Variants in SENP5 observed in about 807,000 individuals in gnomAD.
SENP5 encodes the protein sentrin-specific protease 5.
Under a neutral mutation model 74.2 loss-of-function variants are expected in SENP5, and 21 were observed. That is an observed-to-expected ratio of 0.28 (90% CI 0.20 to 0.41). The LOEUF is 0.41. SENP5 is among the 10% of genes least tolerant of loss of function. The probability of loss-of-function intolerance (pLI) is 1.00; values close to 1 mark genes in which losing one functional copy is unlikely to be tolerated. For synonymous variants in SENP5, 311 were observed against 312.7 expected (o/e 0.99, Z 0.06); for missense variants, 717 against 889.1 (o/e 0.81, Z 2.46).
chr3:196,907,637 T>C (rs1714957876), intron 6 of SENP5, among the ~76,000 whole-genome samples: 1 of 152,098 alleles, frequency 6.6e-6, no homozygotes, highest in African/African-American at 2.4e-5. Context: ...TATTCCTTCC[T>C]CTAGATCAGG....
At chr3:196,898,193 A>AAG (rs1714531490) in intron 2 of SENP5, among the ~76,000 whole-genome samples, 1 of 151,394 alleles carries the variant, frequency 6.6e-6, no homozygotes, top group African/African-American at 2.4e-5. Flanking sequence ...AAAAAGAAAA[A>AAG]AGAAAAGAAA....
intron 4 of SENP5, 81 bp from the exon 5 acceptor site, chr3:196,900,284 G>T: frequency 7.3e-7 from 1 of 1,362,354 alleles, no homozygotes. Context: ...TAGTAGCCTG[G>T]TTTTATTTAT....
chr3:196,914,586 A>AAAAAAAATATATATAT, intron 6 of SENP5: 20 of 33,492 alleles, frequency 6.0e-4, no homozygotes, highest in African/African-American at 1.3e-3. Context: ...AAAAAAAAAA[A>AAAAAAAATATATATAT]ATATATATAT....
rs1716043331 is a variant in SENP5, at chr3:196,931,672, G to A, written c.*749G>A. On this transcript the variant is annotated 3_prime_UTR_variant, in exon 10 of 10. Transcript: ENST00000323460. ...CATACATCTCATAAAGGCTTTTGCT[G>A]GGATATTGAATTCCCTGAATTTTTC... 3.5e-6 allele frequency: 1 copy of A among 286,584 alleles called. No individual in the cohort carries two copies. The highest frequency in any genetic ancestry group is 6.8e-6 in the Non-Finnish European group (1 of 146,326). The allele number at this position is 286,584 out of a possible 1,614,324, so 17.8% of individuals were successfully genotyped here.
At chr3:196,900,125 A>G in intron 4 of SENP5, 63 bp downstream of exon 4, 2 of 1,560,098 alleles carry the variant, frequency 1.3e-6, no homozygotes, top group Non-Finnish European at 1.7e-6. Flanking sequence ...ATAAAATATA[A>G]TCTCTAGTTT....
At chr3:196,891,698 A>G (rs927725838) in intron 2 of SENP5, among the ~76,000 whole-genome samples, 2 of 152,172 alleles carry the variant, frequency 1.3e-5, no homozygotes, top group African/African-American at 2.4e-5. Context: ...CCTCAGATGG[A>G]TGAGGTGGGA....
At chr3:196,877,003 A>T (rs1713505736) in intron 1 of SENP5, among the ~76,000 whole-genome samples, 1 of 151,872 alleles carries the variant, frequency 6.6e-6, no homozygotes, top group Non-Finnish European at 1.5e-5. Flanking sequence ...TGCCACCCAC[A>T]TTGCTTACTT....
At position 196,878,647 on chromosome 3, in the gene SENP5, G is replaced by A. The variant is rs551738062; in HGVS notation, c.-31-6504G>A. ...CTTCCTGTCACCCAGGCCAGAGTAC[G>A]GTGGCATGATCTCCGCTCACTGCAA... On this transcript the variant is annotated intron_variant, in intron 1 of 9. Transcript: ENST00000323460. Among the ~76,000 whole-genome samples, 25 of 151,976 alleles carry A rather than the reference G, an allele frequency of 1.6e-4. No individual in the cohort carries two copies. In the South Asian group the frequency reaches 3.3e-3, roughly 20 times the overall value.
At chr3:196,893,278 A>G (rs1295516358) in intron 2 of SENP5, among the ~76,000 whole-genome samples, 1 of 152,176 alleles carries the variant, frequency 6.6e-6, no homozygotes, top group Admixed American at 6.6e-5. Context: ...TTGATAAGAC[A>G]TTTTTGCCCA....
At chr3:196,911,928 A>G (rs1424923794) in intron 6 of SENP5, among the ~76,000 whole-genome samples, 1 of 152,240 alleles carries the variant, frequency 6.6e-6, no homozygotes, top group Non-Finnish European at 1.5e-5. Context: ...GTCAAGAAAC[A>G]ATAGAAGCTG....
intron 1 of SENP5, among the ~76,000 whole-genome samples, chr3:196,879,225 T>C (rs1713617320): frequency 6.6e-6 from 1 of 152,240 alleles, no homozygotes; most frequent in Non-Finnish European, 1.5e-5. Flanking sequence ...TGAGGTGGTA[T>C]GGAGTATCTG....
At position 196,902,429 on chromosome 3, in the gene SENP5, G is replaced by T. The variant is rs1009660169; in HGVS notation, c.1807-1104G>T. Among the ~76,000 whole-genome samples, 5 of 152,188 alleles carry T rather than the reference G, an allele frequency of 3.3e-5. No homozygotes were observed. In the East Asian group the frequency reaches 9.6e-4, roughly 29 times the overall value. ...TTAGAAGTGTGAGCCACTATGTCTG[G>T]CAGCTCTTTCAGTCTGTATGTTAAG... On this transcript the variant is annotated intron_variant, in intron 5 of 9. Coordinates refer to ENST00000323460, the MANE Select transcript of SENP5 (RefSeq NM_152699.5).
chr3:196,909,664 A>T (rs569056503), intron 6 of SENP5, among the ~76,000 whole-genome samples: 1 of 152,326 alleles, frequency 6.6e-6, no homozygotes, highest in East Asian at 1.9e-4. Context: ...CGAAAACCAC[A>T]TGATTATTTC....
intron 2 of SENP5, among the ~76,000 whole-genome samples, chr3:196,888,818 G>A (rs1714087180): frequency 6.6e-6 from 1 of 151,732 alleles, no homozygotes; most frequent in South Asian, 2.1e-4. Flanking sequence ...CAACCATTAA[G>A]TATAATAAAT....
At chr3:196,882,021 C>G (rs1334522247) in intron 1 of SENP5, among the ~76,000 whole-genome samples, 1 of 151,376 alleles carries the variant, frequency 6.6e-6, no homozygotes, top group Non-Finnish European at 1.5e-5. Context: ...CTCAGCCTCC[C>G]GAGTAGCTGG....
intron 2 of SENP5, among the ~76,000 whole-genome samples, chr3:196,896,769 G>A (rs1424990936): frequency 6.6e-6 from 1 of 152,070 alleles, no homozygotes; most frequent in Non-Finnish European, 1.5e-5. Flanking sequence ...TTGTAAAGTA[G>A]GGATACTATC....
At chr3:196,921,350 A>G (rs1247824495) in intron 6 of SENP5, among the ~76,000 whole-genome samples, 1 of 152,206 alleles carries the variant, frequency 6.6e-6, no homozygotes, top group Non-Finnish European at 1.5e-5. Context: ...GTCAGCACTC[A>G]AAAAGTTCCA....
At chr3:196,873,891 A>G (rs1439673304) in intron 1 of SENP5, among the ~76,000 whole-genome samples, 1 of 152,090 alleles carries the variant, frequency 6.6e-6, no homozygotes, top group Non-Finnish European at 1.5e-5. Flanking sequence ...TTATTTAGGA[A>G]TGGGTCTTGC....
In SENP5 at chr3:196,934,218, AAC is replaced by A. The variant is rs1244223268; in HGVS notation, c.*3297_*3298del. 1 of 152,226 alleles carries A rather than the reference AAC, an allele frequency of 6.6e-6. No individual in the cohort carries two copies. The highest frequency in any genetic ancestry group is 1.9e-4 in the East Asian group (1 of 5,200). 9.4% of individuals were successfully genotyped at this position (152,226 alleles called of 1,614,324 possible). A position where few individuals can be genotyped will look rare whatever the true frequency, so the allele number is the denominator to read the frequency against. On this transcript the variant is annotated 3_prime_UTR_variant, in exon 10 of 10. Coordinates refer to ENST00000323460, the MANE Select transcript of SENP5 (RefSeq NM_152699.5). ...TTTCTACATAGCACTGAATCTGAGT[AAC>A]AGTCATCCTGGATTTATAGTTGGAA...
Sources: gnomAD v4.1 joint callset for allele counts (sites outside exome capture counted in the v4.1 genomes callset) on GRCh38, gnomAD v4.1.1 for gene constraint, MANE v1.5 for transcripts, NCBI Gene and HGNC (gene_info 2026-07-23, HGNC 2026-07-21) for gene names.